Variants in UBR3 observed in about 807,000 individuals in gnomAD.
UBR3 encodes the protein E3 ubiquitin-protein ligase UBR3.
Under a neutral mutation model 243.2 loss-of-function variants are expected in UBR3, and 85 were observed. The observed-to-expected ratio is 0.35, with a 90% CI of 0.29 to 0.42. The LOEUF (loss-of-function observed/expected upper bound fraction) is 0.42, where lower values mean the gene tolerates loss of function less well. UBR3 is among the 10% of genes least tolerant of loss of function. UBR3 has a pLI of 1.00. For synonymous variants in UBR3, 748 were observed against 799.8 expected (o/e 0.94, Z 1.09); for missense variants, 1,686 against 2,300.8 (o/e 0.73, Z 5.47).
chr2:170,023,492 C>A (rs1340983192), intron 30 of UBR3, among the ~76,000 whole-genome samples: 2 of 152,014 alleles, frequency 1.3e-5, no homozygotes, highest in African/African-American at 4.8e-5. Flanking sequence ...TCACAGCAAC[C>A]TCTGTCTCCT....
At chr2:169,988,325 A>G (rs982212452) in intron 25 of UBR3, among the ~76,000 whole-genome samples, 2 of 152,236 alleles carry the variant, frequency 1.3e-5, no homozygotes, top group African/African-American at 4.8e-5. Context: ...TCCCTGCTCC[A>G]GTGAAACTTA....
intron 31 of UBR3, among the ~76,000 whole-genome samples, chr2:170,033,575 ACAC>A (rs1174729212): frequency 1.3e-4 from 2 of 15,928 alleles, no homozygotes; most frequent in African/African-American, 3.2e-4. Flanking sequence ...TGGTTTTTCC[ACAC>A]CCACCCCCCC....
intron 5 of UBR3, among the ~76,000 whole-genome samples, chr2:169,882,140 T>C (rs1240926648): frequency 7.7e-6 from 1 of 129,356 alleles, no homozygotes; most frequent in Non-Finnish European, 1.5e-5. Context: ...CATATATTTA[T>C]ATTATATATG....
chr2:170,005,438 C>A (rs375287824), intron 27 of UBR3, among the ~76,000 whole-genome samples: 1 of 151,944 alleles, frequency 6.6e-6, no homozygotes, highest in East Asian at 1.9e-4. Flanking sequence ...AATATGAAGG[C>A]TTTGTTTGGT....
intron 2 of UBR3, 115 bp from the exon 3 acceptor site, chr2:169,875,676 A>G (rs913222647): frequency 7.7e-6 from 8 of 1,036,198 alleles, no homozygotes; most frequent in Non-Finnish European, 1.1e-5. Flanking sequence ...TTTTTTGATT[A>G]TAAAATACTA....
intron 1 of UBR3, among the ~76,000 whole-genome samples, chr2:169,871,276 ACC>A: frequency 6.6e-6 from 1 of 152,016 alleles, no homozygotes; most frequent in Non-Finnish European, 1.5e-5. Context: ...ATGTAGCAAG[ACC>A]CTGTCTCTAC....
chr2:170,073,843 T>C (rs1214722981), intron 36 of UBR3, among the ~76,000 whole-genome samples: 2 of 152,218 alleles, frequency 1.3e-5, no homozygotes, highest in Admixed American at 6.5e-5. Flanking sequence ...CAGATTTTTA[T>C]TGAATACCTT....
At chr2:170,017,574 C>T (rs1204338964) in intron 30 of UBR3, among the ~76,000 whole-genome samples, 2 of 135,760 alleles carry the variant, frequency 1.5e-5, no homozygotes. Flanking sequence ...CACACACACA[C>T]ACACACACAG....
intron 30 of UBR3, among the ~76,000 whole-genome samples, chr2:170,022,744 T>G (rs912372091): frequency 4.6e-5 from 7 of 152,182 alleles, no homozygotes; most frequent in Non-Finnish European, 8.8e-5. Flanking sequence ...TTTAACTCTT[T>G]AAAATTCTAC....
intron 32 of UBR3, among the ~76,000 whole-genome samples, chr2:170,054,138 CTTTA>C (rs1456974935): frequency 6.6e-6 from 1 of 151,982 alleles, no homozygotes; most frequent in Non-Finnish European, 1.5e-5. Context: ...TTATTTTTAT[CTTTA>C]TTTGAGACAG....
At chr2:170,008,782 G>A in intron 28 of UBR3, 22 bp from the exon 29 acceptor site, 2 of 1,110,400 alleles carry the variant, frequency 1.8e-6, no homozygotes, top group Non-Finnish European at 1.3e-6. Context: ...AACTTTATAT[G>A]TATGTTTGCA....
chr2:170,070,698 A>C (rs2091679203), intron 35 of UBR3, among the ~76,000 whole-genome samples: 1 of 152,154 alleles, frequency 6.6e-6, no homozygotes, highest in Non-Finnish European at 1.5e-5. Flanking sequence ...AGCAATCTGA[A>C]AATGAAATTA....
At chr2:169,839,022 A>G (rs565192155) in intron 1 of UBR3, among the ~76,000 whole-genome samples, 21 of 152,342 alleles carry the variant, frequency 1.4e-4, no homozygotes, top group African/African-American at 4.3e-4. Context: ...TACTGAGTAT[A>G]TATCCAAAAA....
rs372620354 is a variant in UBR3, at chr2:169,932,272, T to C, written c.2567-640T>C. Among the ~76,000 whole-genome samples, 10 of 152,166 alleles carry C rather than the reference T, an allele frequency of 6.6e-5. No individual in the cohort carries two copies. The East Asian group carries it at 1.2e-3, about 18-fold the overall frequency. On this transcript the variant is annotated intron_variant, in intron 18 of 38. Coordinates refer to ENST00000272793, the MANE Select transcript of UBR3 (RefSeq NM_172070.4). ...TTTGTATTTTTAGTAGAGACGGGGT[T>C]TCACCATGATGGCCAGGCTTGTCTC...
chr2:169,954,599 A>G (rs866638772), intron 23 of UBR3, among the ~76,000 whole-genome samples: 2 of 146,676 alleles, frequency 1.4e-5, no homozygotes, highest in South Asian at 4.3e-4. Flanking sequence ...TTTTTGAGAC[A>G]GAGTCTCTTT....
chr2:169,914,961 G>C (rs532176518), intron 11 of UBR3, among the ~76,000 whole-genome samples: 2 of 151,780 alleles, frequency 1.3e-5, no homozygotes, highest in Admixed American at 1.3e-4. Flanking sequence ...ATTCTTGAAC[G>C]ATTTGAGAGT....
At chr2:169,961,620 C>T (rs563726087) in intron 24 of UBR3, among the ~76,000 whole-genome samples, 119 of 152,274 alleles carry the variant, frequency 7.8e-4, no homozygotes, top group African/African-American at 2.8e-3. Flanking sequence ...TCTGTCACAA[C>T]TTTACAACTG....
At chr2:169,985,007 A>G (rs1473759060) in intron 24 of UBR3, among the ~76,000 whole-genome samples, 1 of 126,422 alleles carries the variant, frequency 7.9e-6, no homozygotes, top group African/African-American at 2.5e-5. Flanking sequence ...CGATTGTACC[A>G]AGACTTATTA....
chr2:169,848,443 TTTAAC>T (rs1003263486), intron 1 of UBR3, among the ~76,000 whole-genome samples: 1 of 151,680 alleles, frequency 6.6e-6, no homozygotes, highest in African/African-American at 2.4e-5. Context: ...TACTTAGATG[TTTAAC>T]TTAATTACGC....
Sources: gnomAD v4.1 joint callset for allele counts (sites outside exome capture counted in the v4.1 genomes callset) on GRCh38, gnomAD v4.1.1 for gene constraint, MANE v1.5 for transcripts, NCBI Gene and HGNC (gene_info 2026-07-23, HGNC 2026-07-21) for gene names.